The following RRAGD variants were observed in gnomAD, a reference collection of about 807,000 sequenced individuals.
The protein encoded by RRAGD is ras-related GTP-binding protein D.
A neutral mutation model predicts 35.5 loss-of-function variants in RRAGD; 12 were observed. That is an observed-to-expected ratio of 0.34 (90% CI 0.22 to 0.55). The LOEUF is 0.55. Ranked by LOEUF, RRAGD falls within the 20% of genes least tolerant of loss-of-function variation. The pLI, the probability that RRAGD is intolerant of heterozygous loss-of-function variation, is 0.91. For synonymous variants in RRAGD, 155 were observed against 178.9 expected (o/e 0.87, Z 1.07); for missense variants, 324 against 490.1 (o/e 0.66, Z 3.20).
At chr6:89,382,110 G>T (rs948254520) in intron 2 of RRAGD, among the ~76,000 whole-genome samples, 1 of 151,746 alleles carries the variant, frequency 6.6e-6, no homozygotes, top group Non-Finnish European at 1.5e-5. Flanking sequence ...GGAAAAAACA[G>T]AAAGCCAATA....
chr6:89,369,701 C>A (rs370002137), intron 6 of RRAGD, among the ~76,000 whole-genome samples: 3 of 152,174 alleles, frequency 2.0e-5, no homozygotes, highest in African/African-American at 7.2e-5. Flanking sequence ...CACTGGCACC[C>A]GCCCCTATTG....
intron 1 of RRAGD, among the ~76,000 whole-genome samples, chr6:89,403,160 G>A (rs1207531627): frequency 2.0e-5 from 3 of 152,086 alleles, no homozygotes; most frequent in South Asian, 2.1e-4. Flanking sequence ...AAAAACTGTC[G>A]GCCGGGCGCG....
rs777331885 is a variant in RRAGD, at chr6:89,368,221, C to T, written c.1052-14G>A. The T allele has an allele frequency of 6.2e-7, 1 of 1,603,934 alleles. No homozygotes were observed. Among genetic ancestry groups the T allele is most frequent in the Non-Finnish European group, 8.5e-7 (1 of 1,176,050 alleles). ...AGTCAATTAGCCCTGGAGAAGAGAA[C>T]AAAAATATTTATAAATGTCACGTAG... On this transcript the variant is annotated splice_polypyrimidine_tract_variant and intron_variant, in intron 6 of 6. Coordinates refer to ENST00000369415, the MANE Select transcript of RRAGD (RefSeq NM_021244.5).
chr6:89,403,809 T>G (rs377517000), intron 1 of RRAGD, among the ~76,000 whole-genome samples: 3 of 151,756 alleles, frequency 2.0e-5, no homozygotes, highest in South Asian at 2.1e-4. Context: ...CCTAGCTAAT[T>G]TTTTCATTTT....
At chr6:89,405,627 C>T (rs2127898858) in intron 1 of RRAGD, among the ~76,000 whole-genome samples, 1 of 152,178 alleles carries the variant, frequency 6.6e-6, no homozygotes, top group African/African-American at 2.4e-5. Flanking sequence ...TTTTTTCCCA[C>T]CCCAAGCCTA....
intron 1 of RRAGD, among the ~76,000 whole-genome samples, chr6:89,405,778 G>A (rs1769567798): frequency 6.6e-6 from 1 of 152,206 alleles, no homozygotes; most frequent in African/African-American, 2.4e-5. Flanking sequence ...GTTTTAGGAA[G>A]AGGCCCCTGG....
At chr6:89,410,811 T>C (rs1264025438) in intron 1 of RRAGD, among the ~76,000 whole-genome samples, 1 of 152,232 alleles carries the variant, frequency 6.6e-6, no homozygotes, top group Non-Finnish European at 1.5e-5. Context: ...TAAAAGTTCT[T>C]TAAAAATCAA....
chr6:89,365,935 AG>A lies in RRAGD; in HGVS notation c.*2120del. The A allele has an allele frequency of 6.6e-6, 1 of 152,362 alleles. No homozygotes were observed. The allele number at this position is 152,362 out of a possible 1,614,324, so 9.4% of individuals were successfully genotyped here. On this transcript the variant is annotated 3_prime_UTR_variant, in exon 7 of 7. Transcript: ENST00000369415. Reference sequence around the variant, plus strand: ...AACATGTAAAAAATATTAGAGAATTAGATTTATAACAATAACCCCTAAGTGT... The same window carrying A: ...AACATGTAAAAAATATTAGAGAATTAATTTATAACAATAACCCCTAAGTGT...
chr6:89,410,885 C>T (rs1041262726), intron 1 of RRAGD, among the ~76,000 whole-genome samples: 3 of 152,160 alleles, frequency 2.0e-5, no homozygotes, highest in Admixed American at 6.5e-5. Flanking sequence ...AAGTTAGTTC[C>T]TTCTCTTGGA....
intron 2 of RRAGD, among the ~76,000 whole-genome samples, chr6:89,386,451 T>C (rs1459931769): frequency 6.6e-6 from 1 of 152,154 alleles, no homozygotes; most frequent in Non-Finnish European, 1.5e-5. Context: ...CGACTGGGAA[T>C]GGGGCTCTTC....
At chr6:89,372,734 C>T in intron 5 of RRAGD, 149 bp from the exon 6 acceptor site, 2 of 678,834 alleles carry the variant, frequency 2.9e-6, no homozygotes, top group Non-Finnish European at 4.8e-6. Flanking sequence ...AGCTCAGAAA[C>T]ACACAGGCAC....
At chr6:89,393,281 A>G (rs573167886) in intron 1 of RRAGD, among the ~76,000 whole-genome samples, 49 of 152,386 alleles carry the variant, frequency 3.2e-4, no homozygotes, top group Admixed American at 2.5e-3. Context: ...GGGAATCTGC[A>G]GTCCTTGACT....
intron 1 of RRAGD, among the ~76,000 whole-genome samples, chr6:89,396,483 T>C (rs1769333397): frequency 6.6e-6 from 1 of 151,690 alleles, no homozygotes; most frequent in African/African-American, 2.4e-5. Flanking sequence ...TGGAGTGCAG[T>C]GGCGCAATCA....
In RRAGD at chr6:89,367,786, G is replaced by A. The variant is rs1174346379; in HGVS notation, c.*270C>T. ...GTACAATTCCTGGCAGTTCTCACAC[G>A]GGATTTTTTTGACTACAGACCATAA... is the stretch of plus-strand genomic sequence containing the variant. On this transcript the variant is annotated 3_prime_UTR_variant, in exon 7 of 7. Transcript: ENST00000369415. 1.2e-5 allele frequency: 4 copies of A among 323,476 alleles called. No homozygotes were observed. The highest frequency in any genetic ancestry group is 2.2e-5 in the Non-Finnish European group (4 of 179,840). The allele number at this position is 323,476 out of a possible 1,614,324, so 20.0% of individuals were successfully genotyped here. A position where few individuals can be genotyped will look rare whatever the true frequency, so the allele number is the denominator to read the frequency against.
At chr6:89,378,025 C>T (rs566670960) in intron 4 of RRAGD, among the ~76,000 whole-genome samples, 2 of 152,306 alleles carry the variant, frequency 1.3e-5, no homozygotes, top group South Asian at 2.1e-4. Flanking sequence ...AAGTAGAGGC[C>T]GGGCATGGTG....
Position 89,367,729 on chromosome 6 carries a change from T to A in RRAGD, c.*327A>T. On this transcript the variant is annotated 3_prime_UTR_variant, in exon 7 of 7. Transcript: ENST00000369415. ...GAAAAGTCGTTTTATCAAAGTTCAG[T>A]TCAATGAGAAACATGAAAAAGTGCA... is the stretch of plus-strand genomic sequence containing the variant. The A allele has an allele frequency of 4.6e-6, 1 of 215,786 alleles. No homozygotes were observed. 13.4% of individuals were successfully genotyped at this position (215,786 alleles called of 1,614,324 possible). A position where few individuals can be genotyped will look rare whatever the true frequency, so the allele number is the denominator to read the frequency against.
rs1464189540 is a variant in RRAGD at position 89,366,710 on chromosome 6, A to C, written c.*1346T>G. ...GATGCACGTAAAATTATCTACTTGG[A>C]ATGATTTGGCATAGGGGTAGATTTA... On this transcript the variant is annotated 3_prime_UTR_variant, in exon 7 of 7. Coordinates refer to ENST00000369415, the MANE Select transcript of RRAGD (RefSeq NM_021244.5). 5.3e-5 allele frequency: 8 copies of C among 152,160 alleles called. No individual in the cohort carries two copies. The highest frequency in any genetic ancestry group is 5.2e-4 in the Admixed American group (8 of 15,264). 9.4% of individuals were successfully genotyped at this position (152,160 alleles called of 1,614,324 possible).
At chr6:89,383,326 C>T (rs1466078795) in intron 2 of RRAGD, among the ~76,000 whole-genome samples, 1 of 152,158 alleles carries the variant, frequency 6.6e-6, no homozygotes, top group Non-Finnish European at 1.5e-5. Flanking sequence ...CTACTCTAAC[C>T]TCCCTGCCAA....
intron 1 of RRAGD, among the ~76,000 whole-genome samples, chr6:89,394,426 TAAAA>T (rs1769294368): frequency 6.6e-6 from 1 of 152,216 alleles, no homozygotes; most frequent in African/African-American, 2.4e-5. Context: ...GAACAGATCT[TAAAA>T]AGACAAAAGG....
Sources: gnomAD v4.1 joint callset for allele counts (sites outside exome capture counted in the v4.1 genomes callset) on GRCh38, gnomAD v4.1.1 for gene constraint, MANE v1.5 for transcripts, NCBI Gene and HGNC (gene_info 2026-07-23, HGNC 2026-07-21) for gene names.